The following RFPL1 variants were observed in gnomAD, a reference collection of about 807,000 sequenced individuals.
RFPL1 encodes the protein ret finger protein-like 1.
RFPL1 carries 6 observed loss-of-function variants against 9.6 expected under a neutral mutation model. The observed-to-expected ratio is 0.62, with a 90% CI of 0.34 to 1.23. The LOEUF (loss-of-function observed/expected upper bound fraction) is 1.23. RFPL1 is among the 50% of genes most tolerant of loss of function. RFPL1 has a pLI of 0.03. For synonymous variants in RFPL1, 145 were observed against 149.4 expected, an observed-to-expected ratio of 0.97 and a Z score of 0.22; for missense variants, 352 against 398.4, an observed-to-expected ratio of 0.88 and a Z score of 0.99.
the RFPL1 span, among the ~76,000 whole-genome samples, chr22:29,420,515 G>C: frequency 2.6e-5 from 4 of 151,432 alleles, no homozygotes; most frequent in Admixed American, 6.6e-5. Context: ...ATTTTTAGTA[G>C]AGATGGGGTT....
At chr22:29,417,044 A>T in the RFPL1 span, among the ~76,000 whole-genome samples, 33 of 152,188 alleles carry the variant, frequency 2.2e-4, no homozygotes, top group African/African-American at 4.8e-4. Flanking sequence ...ACTTAGGAGG[A>T]CAAAGTGAAC....
intron 1 of RFPL1, 143 bp from the exon 2 acceptor site, chr22:29,441,399 T>C (rs1217930914): frequency 2.1e-6 from 2 of 933,750 alleles, no homozygotes; most frequent in Non-Finnish European, 3.2e-6. Flanking sequence ...GTCAGGGAAG[T>C]TGCCTCATGA....
the RFPL1 span, among the ~76,000 whole-genome samples, chr22:29,426,322 CAA>C: frequency 1.4e-5 from 2 of 143,098 alleles, no homozygotes; most frequent in Non-Finnish European, 3.1e-5. Context: ...AACTTCATGT[CAA>C]AAAAAAAAAT....
At chr22:29,398,037 C>G in the RFPL1 span, among the ~76,000 whole-genome samples, 1 of 152,198 alleles carries the variant, frequency 6.6e-6, no homozygotes, top group African/African-American at 2.4e-5. Flanking sequence ...CGCAAAGCAG[C>G]AAGCTGCACC....
chr22:29,437,938 C>T, upstream of RFPL1: 3 of 453,000 alleles, frequency 6.6e-6, no homozygotes, highest in South Asian at 2.9e-5. Flanking sequence ...ATTTCCAAGG[C>T]TGGAGAAGGA....
upstream of RFPL1, chr22:29,434,809 G>A (rs1203095607): frequency 6.6e-6 from 1 of 152,256 alleles, no homozygotes; most frequent in Non-Finnish European, 1.5e-5. Flanking sequence ...TCCTGGATAT[G>A]GGTATGACAA....
At chr22:29,415,214 A>C in the RFPL1 span, among the ~76,000 whole-genome samples, 2 of 151,712 alleles carry the variant, frequency 1.3e-5, no homozygotes, top group African/African-American at 4.9e-5. Flanking sequence ...AGTGCTGATA[A>C]AGGCACGCCC....
chr22:29,418,759 A>G, the RFPL1 span, among the ~76,000 whole-genome samples: 1 of 152,082 alleles, frequency 6.6e-6, no homozygotes, highest in Non-Finnish European at 1.5e-5. Flanking sequence ...GGGCCTCCCC[A>G]AGTGCTAGGA....
the RFPL1 span, among the ~76,000 whole-genome samples, chr22:29,427,758 T>C: frequency 2.0e-5 from 3 of 152,122 alleles, no homozygotes; most frequent in African/African-American, 7.2e-5. Flanking sequence ...AGCAACTCTA[T>C]CTTGGGTGCT....
At chr22:29,392,416 CAG>C in the RFPL1 span, among the ~76,000 whole-genome samples, 1 of 89,886 alleles carries the variant, frequency 1.1e-5, no homozygotes, top group African/African-American at 4.3e-5. Flanking sequence ...TTTTTTAAGA[CAG>C]AGTCTCCGTC....
chr22:29,410,191 C>G, the RFPL1 span, among the ~76,000 whole-genome samples: 1 of 140,116 alleles, frequency 7.1e-6, no homozygotes, highest in East Asian at 2.0e-4. Flanking sequence ...AGGAGAGACG[C>G]GAAGATTACC....
chr22:29,422,744 A>G, the RFPL1 span, among the ~76,000 whole-genome samples: 1 of 151,950 alleles, frequency 6.6e-6, no homozygotes, highest in South Asian at 2.1e-4. Flanking sequence ...ACTCCATCTC[A>G]AAAAAAAGAA....
chr22:29,390,586 A>ATTTT, the RFPL1 span, among the ~76,000 whole-genome samples: 1 of 150,260 alleles, frequency 6.7e-6, no homozygotes, highest in East Asian at 2.0e-4. Context: ...TTCCATTTTT[A>ATTTT]TTTATTTATT....
At chr22:29,428,284 T>C in the RFPL1 span, among the ~76,000 whole-genome samples, 1 of 152,154 alleles carries the variant, frequency 6.6e-6, no homozygotes, top group African/African-American at 2.4e-5. Context: ...CATTATATAA[T>C]GATGAAGAGA....
the RFPL1 span, among the ~76,000 whole-genome samples, chr22:29,412,406 A>AG: frequency 2.6e-5 from 4 of 151,984 alleles, no homozygotes; most frequent in African/African-American, 9.7e-5. Context: ...CCCGAGTAGC[A>AG]GGGGAGGTGG....
At chr22:29,400,774 T>TCACA in the RFPL1 span, among the ~76,000 whole-genome samples, 1 of 152,246 alleles carries the variant, frequency 6.6e-6, no homozygotes, top group Non-Finnish European at 1.5e-5. Flanking sequence ...CTCAGCTTAC[T>TCACA]CACACACATC....
chr22:29,433,232 A>C, the RFPL1 span: 1 of 151,598 alleles, frequency 6.6e-6, no homozygotes, highest in Non-Finnish European at 1.5e-5. Flanking sequence ...CAAAGGCTGC[A>C]GTGAGCCAAG....
the RFPL1 span, among the ~76,000 whole-genome samples, chr22:29,412,523 A>T: frequency 2.6e-4 from 39 of 151,982 alleles, no homozygotes; most frequent in Admixed American, 1.2e-3. Context: ...CTTACTTTGG[A>T]GATGGTTTAA....
the RFPL1 span, among the ~76,000 whole-genome samples, chr22:29,414,953 C>T: frequency 1.3e-5 from 2 of 152,082 alleles, no homozygotes; most frequent in Admixed American, 6.6e-5. Context: ...TTGGGCCATC[C>T]GTGGGTTAGT....
Sources: allele counts gnomAD v4.1 joint callset (sites outside exome capture counted in the v4.1 genomes callset), GRCh38; gene constraint gnomAD v4.1.1; transcripts MANE v1.5; gene names NCBI Gene and HGNC (gene_info 2026-07-23, HGNC 2026-07-21).